Variants in UBP1 observed in about 807,000 individuals in gnomAD.
UBP1 encodes the protein upstream-binding protein 1.
In UBP1, 22 loss-of-function variants were observed where a neutral mutation model predicts 76.1. The observed-to-expected ratio is 0.29, with a 90% CI of 0.21 to 0.41. The LOEUF is 0.41. UBP1 is among the 10% of genes least tolerant of loss of function. The pLI is 1.00. For missense variants in UBP1, 436 were observed against 668.1 expected (o/e 0.65, Z 3.83); for synonymous variants, 224 against 237.1 (o/e 0.94, Z 0.51).
At position 33,440,017 on chromosome 3, in the gene UBP1, G is replaced by T. The variant is rs1173561082; in HGVS notation, c.-169C>A. 1 of 594,310 alleles carries T rather than the reference G, an allele frequency of 1.7e-6. No individual in the cohort carries two copies. The highest frequency in any genetic ancestry group is 2.7e-6 in the Non-Finnish European group (1 of 365,146). 36.8% of individuals were successfully genotyped at this position (594,310 alleles called of 1,614,324 possible). Reference sequence around the variant, plus strand: ...GAGCTGCGGGGGCCCCACTGGCAGGGCACGACGAGCCCAGCGAGCAATTGC... The same window carrying T: ...GAGCTGCGGGGGCCCCACTGGCAGGTCACGACGAGCCCAGCGAGCAATTGC... On this transcript the variant is annotated 5_prime_UTR_variant, in exon 1 of 16. Transcript: ENST00000283629.
chr3:33,413,523 G>C (rs553656595), intron 3 of UBP1, among the ~76,000 whole-genome samples: 219 of 147,838 alleles, frequency 1.5e-3, no homozygotes, highest in African/African-American at 5.3e-3. Flanking sequence ...CTCCAGCCTA[G>C]GTGACAGAGC....
intron 10 of UBP1, among the ~76,000 whole-genome samples, chr3:33,400,538 T>C (rs962758742): frequency 1.3e-5 from 2 of 152,148 alleles, no homozygotes; most frequent in East Asian, 3.8e-4. Context: ...ATGGACAACA[T>C]GAACATTTCA....
chr3:33,423,429 A>G (rs1486985393), intron 2 of UBP1, among the ~76,000 whole-genome samples: 1 of 152,248 alleles, frequency 6.6e-6, no homozygotes, highest in Admixed American at 6.5e-5. Flanking sequence ...AAAGACTAGA[A>G]AAAATCAAGA....
At chr3:33,434,152 G>A (rs867937595) in intron 1 of UBP1, among the ~76,000 whole-genome samples, 2 of 151,980 alleles carry the variant, frequency 1.3e-5, no homozygotes. Flanking sequence ...TTACAGGGGC[G>A]GGGGAACCCT....
chr3:33,419,509 T>C (rs1386958812), intron 2 of UBP1, among the ~76,000 whole-genome samples: 3 of 151,942 alleles, frequency 2.0e-5, no homozygotes, highest in African/African-American at 7.3e-5. Flanking sequence ...GCACCTGTAA[T>C]GCCAGCTACT....
At chr3:33,438,793 C>T (rs2045240838) in intron 1 of UBP1, among the ~76,000 whole-genome samples, 1 of 152,098 alleles carries the variant, frequency 6.6e-6, no homozygotes, top group Non-Finnish European at 1.5e-5. Context: ...CAGAAGTCCT[C>T]CTCTAGAGCT....
chr3:33,412,719 TA>T lies in UBP1; in HGVS notation c.448+2del. The T allele has an allele frequency of 6.3e-7, 1 of 1,591,100 alleles. No homozygotes were observed. The highest frequency in any genetic ancestry group is 8.6e-7 in the Non-Finnish European group (1 of 1,158,974). On this transcript the variant is annotated splice_donor_variant, in intron 4 of 15. Coordinates refer to ENST00000283629, the MANE Select transcript of UBP1 (RefSeq NM_014517.5). LOFTEE classifies it high-confidence loss of function. ...TCCATGGTCTTTTGATCACTGCCTG[TA>T]CCTAAATCAAGAAGTCTGTCTCCTG...
At chr3:33,395,169 A>G (rs2043925460) in intron 13 of UBP1, among the ~76,000 whole-genome samples, 1 of 152,208 alleles carries the variant, frequency 6.6e-6, no homozygotes, top group Non-Finnish European at 1.5e-5. Context: ...CTTAATCTCA[A>G]AATTCAGAGC....
rs527475173 is a variant in UBP1 at position 33,389,261 on chromosome 3, A to G, written c.*1070T>C. 6.5e-6 allele frequency: 1 copy of G among 152,748 alleles called. No individual in the cohort carries two copies. The highest frequency in any genetic ancestry group is 2.1e-4 in the South Asian group (1 of 4,824). 9.5% of individuals were successfully genotyped at this position (152,748 alleles called of 1,614,324 possible). ...CTATCCATGATTGTACTAAAGCTCA[A>G]TATTTGAGAGGCTTAAGGGATTTGT... On this transcript the variant is annotated 3_prime_UTR_variant, in exon 16 of 16. Coordinates refer to ENST00000283629, the MANE Select transcript of UBP1 (RefSeq NM_014517.5).
At chr3:33,434,289 CTTTTTTT>C (rs371209882) in intron 1 of UBP1, among the ~76,000 whole-genome samples, 1,641 of 101,224 alleles carry the variant, frequency 0.016, 17 homozygotes, top group Non-Finnish European at 0.024. Context: ...TCAGCAAATC[CTTTTTTT>C]TTTTTTTTTT....
intron 10 of UBP1, among the ~76,000 whole-genome samples, 200 bp downstream of exon 10, chr3:33,400,762 C>T (rs777798620): frequency 3.3e-5 from 5 of 152,118 alleles, no homozygotes; most frequent in African/African-American, 4.8e-5. Flanking sequence ...TTCAGTATTT[C>T]GTAGCAGAGT....
intron 11 of UBP1, 54 bp from the exon 12 acceptor site, chr3:33,397,189 C>T: frequency 2.9e-6 from 4 of 1,370,130 alleles, no homozygotes; most frequent in Non-Finnish European, 4.0e-6. Flanking sequence ...AACAGAACTG[C>T]TTTACAGGCA....
intron 8 of UBP1, 57 bp downstream of exon 8, chr3:33,408,633 T>C (rs892982284): frequency 6.9e-7 from 1 of 1,445,424 alleles, no homozygotes; most frequent in Non-Finnish European, 9.4e-7. Context: ...GTTGGTCCTA[T>C]ATCTAACACT....
chr3:33,396,707 G>C, intron 12 of UBP1: 1 of 513,168 alleles, frequency 1.9e-6, no homozygotes. Flanking sequence ...TTTAGTAATA[G>C]TCATGACCTT....
chr3:33,439,798 G>T lies in UBP1; in HGVS notation c.51C>A (p.His17Gln). 2 of 1,612,736 alleles carry T rather than the reference G, an allele frequency of 1.2e-6. No homozygotes were observed. The highest frequency in any genetic ancestry group is 1.1e-5 in the South Asian group (1 of 91,000). ...TGCCCGAGAGGCTGGCGTCGAAGTC[G>T]TGCACCAGCCCGGACTCGATCACCT... ...MDEVIESGLV[H>Q]DFDASLSGIG... Residue 17 changes from histidine to glutamine, a missense_variant, in exon 1 of 16, where the codon CAC (histidine) becomes CAA (glutamine). Physicochemically the swap from His to Gln is conservative, Grantham distance 24 (BLOSUM62 0). Around this residue, in one of 3 missense-constraint regions of UBP1, gnomAD observed 161 missense variants for 237.9 expected, o/e 0.68. Transcript: ENST00000283629.
intron 13 of UBP1, among the ~76,000 whole-genome samples, 173 bp from the exon 14 acceptor site, chr3:33,393,627 T>C (rs557213186): frequency 6.6e-6 from 1 of 152,360 alleles, no homozygotes; most frequent in African/African-American, 2.4e-5. Flanking sequence ...CCTTGAAATC[T>C]TGAACTACCA....
Position 33,389,995 on chromosome 3 carries a change from C to G in UBP1, c.*336G>C, listed in dbSNP as rs888311577. On this transcript the variant is annotated 3_prime_UTR_variant, in exon 16 of 16. Transcript: ENST00000283629. ...CCACAGTAAGTTTCTACATTCATTT[C>G]CAAACCGCATACAGTGTAAAAAGAC... The G allele has an allele frequency of 3.9e-6, 1 of 253,932 alleles. No individual in the cohort carries two copies. Among genetic ancestry groups the G allele is most frequent in the Non-Finnish European group, 7.5e-6 (1 of 132,652 alleles). 15.7% of individuals were successfully genotyped at this position (253,932 alleles called of 1,614,324 possible).
chr3:33,402,947 A>C, intron 8 of UBP1, 43 bp from the exon 9 acceptor site: 6 of 1,491,664 alleles, frequency 4.0e-6, no homozygotes, highest in Non-Finnish European at 5.5e-6. Context: ...TGCTTTTAAA[A>C]TATGTGGAAG....
rs532301221 is a variant in UBP1 at position 33,422,122 on chromosome 3, CTTTG to C, written c.265+3464_265+3467del. Among the ~76,000 whole-genome samples the C allele has an allele frequency of 2.7e-3, 416 of 152,260 alleles. 2 individuals carry two copies. Among genetic ancestry groups the C allele is most frequent in the South Asian group, 0.018 (89 of 4,826 alleles). Reference sequence around the variant, plus strand: ...CTGAAGATACTTTGCTAGTCTGGATCTTTGTTTGTCTTATTACTTTAAATTAGCA... The same window carrying C: ...CTGAAGATACTTTGCTAGTCTGGATCTTTGTCTTATTACTTTAAATTAGCA... On this transcript the variant is annotated intron_variant, in intron 2 of 15. Coordinates refer to ENST00000283629, the MANE Select transcript of UBP1 (RefSeq NM_014517.5).
Sources: allele counts gnomAD v4.1 joint callset (sites outside exome capture counted in the v4.1 genomes callset), GRCh38; gene constraint gnomAD v4.1.1; regional missense constraint gnomAD v4.1.1; transcripts MANE v1.5; gene names NCBI Gene and HGNC (gene_info 2026-07-23, HGNC 2026-07-21).